Variants in TTC28 observed in about 807,000 individuals in gnomAD.
TTC28 encodes tetratricopeptide repeat domain 28, also known as tetratricopeptide repeat protein 28.
In TTC28, 61 loss-of-function variants were observed where a neutral mutation model predicts 198.0. That is an observed-to-expected ratio of 0.31 (90% CI 0.25 to 0.38). The LOEUF is 0.38. Ranked by LOEUF, TTC28 falls within the 10% of genes least tolerant of loss-of-function variation. TTC28 has a pLI of 1.00. For missense variants in TTC28, 2,678 were observed against 3,164.0 expected (o/e 0.85, Z 3.69); for synonymous variants, 1,171 against 1,297.8 (o/e 0.90, Z 2.10).
intron 2 of TTC28, among the ~76,000 whole-genome samples, chr22:28,524,121 A>G (rs1211488809): frequency 6.6e-6 from 1 of 152,192 alleles, no homozygotes; most frequent in African/African-American, 2.4e-5. Context: ...TATTTTTAAT[A>G]GTCTGTTTGA....
intron 2 of TTC28, among the ~76,000 whole-genome samples, chr22:28,595,064 CT>C (rs965611847): frequency 2.0e-5 from 3 of 152,108 alleles, no homozygotes; most frequent in South Asian, 2.1e-4. Context: ...CATAAATAAT[CT>C]TTTTTTAAAA....
intron 2 of TTC28, among the ~76,000 whole-genome samples, chr22:28,345,918 C>T (rs1209716272): frequency 1.3e-5 from 2 of 152,126 alleles, no homozygotes; most frequent in African/African-American, 2.4e-5. Context: ...AAATTGTTTT[C>T]TATAAGTAAC....
chr22:28,563,196 AT>A (rs953630997), intron 2 of TTC28, among the ~76,000 whole-genome samples: 50 of 152,126 alleles, frequency 3.3e-4, no homozygotes, highest in Non-Finnish European at 6.3e-4. Context: ...TTAAACTAAC[AT>A]TTTTTTAAAG....
chr22:28,188,801 C>T (rs1277171261), intron 5 of TTC28, among the ~76,000 whole-genome samples: 3 of 152,156 alleles, frequency 2.0e-5, no homozygotes, highest in Non-Finnish European at 4.4e-5. Flanking sequence ...CACAGACTAA[C>T]ATGAGGGGGA....
chr22:28,640,024 T>C (rs1029418265), intron 1 of TTC28, among the ~76,000 whole-genome samples: 5 of 152,116 alleles, frequency 3.3e-5, no homozygotes, highest in African/African-American at 1.2e-4. Context: ...CTCAAAATGA[T>C]GGCCAGGTGC....
intron 6 of TTC28, among the ~76,000 whole-genome samples, chr22:28,146,249 G>A (rs1190703812): frequency 6.6e-6 from 1 of 152,214 alleles, no homozygotes; most frequent in African/African-American, 2.4e-5. Flanking sequence ...GCTACAAGAA[G>A]AAGGGAAAAG....
intron 5 of TTC28, among the ~76,000 whole-genome samples, chr22:28,203,985 T>C (rs1926189447): frequency 6.6e-6 from 1 of 152,170 alleles, no homozygotes; most frequent in Non-Finnish European, 1.5e-5. Context: ...TGTTAATACC[T>C]TGATCCCACT....
chr22:28,163,905 G>C (rs1365828519), intron 5 of TTC28, among the ~76,000 whole-genome samples: 1 of 152,178 alleles, frequency 6.6e-6, no homozygotes, highest in African/African-American at 2.4e-5. Flanking sequence ...TCAAAGAAAG[G>C]GGTGACAGAC....
chr22:28,474,000 C>T (rs2146305977), intron 2 of TTC28, among the ~76,000 whole-genome samples: 2 of 152,252 alleles, frequency 1.3e-5, no homozygotes, highest in Middle Eastern at 6.8e-3. Context: ...GTTTGTGGTA[C>T]TTTGTTACAG....
At chr22:28,418,882 T>G (rs555295501) in intron 2 of TTC28, among the ~76,000 whole-genome samples, 2 of 152,282 alleles carry the variant, frequency 1.3e-5, no homozygotes, top group East Asian at 3.9e-4. Flanking sequence ...AAGAAAGGTA[T>G]TTTTGTGTAA....
At chr22:28,148,607 T>A (rs562632313) in intron 6 of TTC28, among the ~76,000 whole-genome samples, 1 of 146,060 alleles carries the variant, frequency 6.8e-6, no homozygotes, top group Non-Finnish European at 1.5e-5. Flanking sequence ...AATGAGACTC[T>A]GTCTCAAAAA....
At chr22:28,098,782 T>C in intron 10 of TTC28, 133 bp downstream of exon 10, 3 of 1,152,528 alleles carry the variant, frequency 2.6e-6, no homozygotes, top group Admixed American at 2.7e-5. Context: ...CTGGTTGTAG[T>C]TGTGGCTTCA....
At chr22:28,105,070 T>C (rs942444901) in intron 8 of TTC28, among the ~76,000 whole-genome samples, 1 of 152,108 alleles carries the variant, frequency 6.6e-6, no homozygotes, top group African/African-American at 2.4e-5. Context: ...GGCAAGGTGC[T>C]ATGGACAATG....
At chr22:28,517,373 G>C (rs115612362) in intron 2 of TTC28, among the ~76,000 whole-genome samples, 10 of 152,294 alleles carry the variant, frequency 6.6e-5, no homozygotes, top group African/African-American at 2.4e-4. Context: ...AGTTGCTGAA[G>C]AGTATCTTCC....
Position 28,408,979 on chromosome 22 carries a change from T to G in TTC28, c.382-102336A>C, listed in dbSNP as rs695515. ...TCACTAAACTTAAGGCTGAATCTCTTCTGAGCTACTGCAGCATAGAGGAAT... is the reference window on the plus strand; with the variant it reads ...TCACTAAACTTAAGGCTGAATCTCTGCTGAGCTACTGCAGCATAGAGGAAT... On this transcript the variant is annotated intron_variant, in intron 2 of 22. Coordinates refer to ENST00000397906, the MANE Select transcript of TTC28 (RefSeq NM_001145418.2). Among the ~76,000 whole-genome samples the G allele has an allele frequency of 2.2e-3, 339 of 152,334 alleles. 2 individuals are homozygous for G. Among genetic ancestry groups the G allele is most frequent in the African/African-American group, 7.6e-3 (314 of 41,568 alleles).
At chr22:28,330,870 A>T (rs933332564) in intron 2 of TTC28, among the ~76,000 whole-genome samples, 1 of 152,208 alleles carries the variant, frequency 6.6e-6, no homozygotes, top group Non-Finnish European at 1.5e-5. Context: ...GCATGTAAAA[A>T]TTTAATGTGG....
intron 6 of TTC28, among the ~76,000 whole-genome samples, chr22:28,124,210 T>G (rs946230874): frequency 6.6e-6 from 1 of 151,798 alleles, no homozygotes; most frequent in African/African-American, 2.4e-5. Context: ...TTGTTTTTTG[T>G]TTTTTTCCTG....
chr22:28,357,531 G>C (rs1203817768), intron 2 of TTC28, among the ~76,000 whole-genome samples: 1 of 151,800 alleles, frequency 6.6e-6, no homozygotes, highest in Non-Finnish European at 1.5e-5. Context: ...GGCTGGTCCT[G>C]AATTCCTGAG....
chr22:28,051,600 C>T lies in TTC28; in HGVS notation c.3933-21234G>A, dbSNP rs79282100. ...TGTACAGAAAGCTGCTGGCTGATGT[C>T]GTTCCTGTCTTTTTCTGCCACATTA... is the stretch of plus-strand genomic sequence containing the variant. On this transcript the variant is annotated intron_variant, in intron 12 of 22. Coordinates refer to ENST00000397906, the MANE Select transcript of TTC28 (RefSeq NM_001145418.2). Among the ~76,000 whole-genome samples, 1,331 of 152,240 alleles carry T rather than the reference C, an allele frequency of 8.7e-3. 28 individuals carry two copies. Among genetic ancestry groups the T allele is most frequent in the African/African-American group, 0.03 (1,227 of 41,546 alleles).
Sources: gnomAD v4.1 joint callset for allele counts (sites outside exome capture counted in the v4.1 genomes callset) on GRCh38, gnomAD v4.1.1 for gene constraint, MANE v1.5 for transcripts, NCBI Gene and HGNC (gene_info 2026-07-23, HGNC 2026-07-21) for gene names.